NT5C3A: variants seen among roughly 807,000 people sequenced by gnomAD.
The protein encoded by NT5C3A is cytosolic 5'-nucleotidase 3A.
NT5C3A carries 23 observed loss-of-function variants against 40.0 expected under a neutral mutation model. That is an observed-to-expected ratio of 0.58 (90% CI 0.41 to 0.81). The LOEUF is 0.81. Among genes scored for constraint, NT5C3A ranks in the 40% least tolerant of loss-of-function variants. NT5C3A has a pLI of 0.00. For missense variants in NT5C3A, 328 were observed against 403.0 expected (o/e 0.81, Z 1.59); for synonymous variants, 130 against 141.4 (o/e 0.92, Z 0.57).
intron 7 of NT5C3A, chr7:33,017,237 T>G: frequency 1.8e-6 from 1 of 563,808 alleles, no homozygotes; most frequent in Non-Finnish European, 3.1e-6. Context: ...AGTCTATAGC[T>G]TGGGGAATGA....
chr7:33,062,494 A>C, intron 1 of NT5C3A, 74 bp downstream of exon 1: 1 of 1,377,258 alleles, frequency 7.3e-7, no homozygotes. Context: ...GCGGCCCAGC[A>C]CAGGCTGCCG....
Position 33,060,177 on chromosome 7 carries a change from T to G in NT5C3A, c.138+2391A>C, listed in dbSNP as rs956506342. On this transcript the variant is annotated intron_variant, in intron 1 of 8. Coordinates refer to ENST00000610140, the MANE Select transcript of NT5C3A (RefSeq NM_001002010.5). ...TATGCCGCCCAGGCTGGTCTCGAACTCCTGGGCTCAAGGGATCCTCCCGCC... is the reference window on the plus strand; with the variant it reads ...TATGCCGCCCAGGCTGGTCTCGAACGCCTGGGCTCAAGGGATCCTCCCGCC... Among the ~76,000 whole-genome samples, 3 of 152,288 alleles carry G rather than the reference T, an allele frequency of 2.0e-5. No homozygotes were observed. The South Asian group carries it at 6.2e-4, about 32-fold the overall frequency.
At chr7:33,058,179 G>C (rs1464860489) in intron 1 of NT5C3A, among the ~76,000 whole-genome samples, 1 of 152,122 alleles carries the variant, frequency 6.6e-6, no homozygotes, top group Non-Finnish European at 1.5e-5. Context: ...ACATTTGAAA[G>C]AGGTGTCATT....
chr7:33,041,954 A>C (rs989806075), intron 1 of NT5C3A, among the ~76,000 whole-genome samples: 1 of 152,186 alleles, frequency 6.6e-6, no homozygotes, highest in Non-Finnish European at 1.5e-5. Flanking sequence ...CTAGTCTAGT[A>C]ATATTTCAGT....
chr7:33,055,248 C>G (rs1386432884), intron 1 of NT5C3A, among the ~76,000 whole-genome samples: 1 of 151,888 alleles, frequency 6.6e-6, no homozygotes, highest in African/African-American at 2.4e-5. Flanking sequence ...TTGCTTGAAC[C>G]TGGGAGGCAG....
intron 1 of NT5C3A, among the ~76,000 whole-genome samples, chr7:33,034,005 C>T (rs1245118263): frequency 6.6e-6 from 1 of 151,284 alleles, no homozygotes; most frequent in Non-Finnish European, 1.5e-5. Context: ...ATTCTCCTGC[C>T]TCAGCCTCCC....
chr7:33,021,321 C>T lies in NT5C3A; in HGVS notation c.391G>A (p.Val131Ile). The T allele has an allele frequency of 6.2e-7, 1 of 1,612,118 alleles. No individual in the cohort carries two copies. The change falls in exon 5 of 9, where the codon GTT becomes ATT. Residue 131 changes from valine (V) to isoleucine (I), a missense_variant. Val to Ile is a conservative substitution (Grantham distance 29, BLOSUM62 3). Transcript: ENST00000610140. ...TCTTCTACAGTAAGAACAGGATCAA[C>T]TTCAATAGCGTAATATTTTTCCTTT... ...QLKEKYYAIE[V>I]DPVLTVEEKY...
At chr7:33,029,403 T>C (rs117046397) in intron 1 of NT5C3A, 1 of 337,694 alleles carries the variant, frequency 3.0e-6, no homozygotes, top group East Asian at 7.7e-5. Context: ...TGTTTTGGAA[T>C]ATCACTTCTG....
chr7:33,023,479 G>C (rs887980076), intron 3 of NT5C3A, among the ~76,000 whole-genome samples: 1 of 152,010 alleles, frequency 6.6e-6, no homozygotes, highest in African/African-American at 2.4e-5. Flanking sequence ...GGCTGGTCTT[G>C]AACTCCTGAC....
intron 1 of NT5C3A, among the ~76,000 whole-genome samples, chr7:33,057,576 G>A (rs1787618473): frequency 6.6e-6 from 1 of 152,002 alleles, no homozygotes; most frequent in South Asian, 2.1e-4. Flanking sequence ...AACACAGTAT[G>A]CTAAAGTTTT....
rs542600608 is a variant in NT5C3A at position 33,062,770 on chromosome 7, C to T, written c.-65G>A. On this transcript the variant is annotated 5_prime_UTR_variant, in exon 1 of 9. Transcript: ENST00000610140. ...GGCAGCTCGCGTAGACTGCGAGTCTCGGAAGCGCGGGATCCCAGAGCATCA... is the reference window on the plus strand; with the variant it reads ...GGCAGCTCGCGTAGACTGCGAGTCTTGGAAGCGCGGGATCCCAGAGCATCA... 101 of 1,547,128 alleles carry T rather than the reference C, an allele frequency of 6.5e-5. No homozygotes were observed. In the African/African-American group the frequency reaches 1.2e-3, roughly 18 times the overall value.
At chr7:33,047,086 T>C (rs938858288) in intron 1 of NT5C3A, among the ~76,000 whole-genome samples, 6 of 152,004 alleles carry the variant, frequency 3.9e-5, no homozygotes, top group South Asian at 2.1e-4. Flanking sequence ...TATTTTATTA[T>C]AGCTGAATCT....
chr7:33,039,119 T>G (rs1442076149), intron 1 of NT5C3A, among the ~76,000 whole-genome samples: 1 of 152,170 alleles, frequency 6.6e-6, no homozygotes, highest in Non-Finnish European at 1.5e-5. Flanking sequence ...AGAACTTCAC[T>G]TAACACAAAC....
chr7:33,018,216 A>G (rs955169389), intron 6 of NT5C3A, among the ~76,000 whole-genome samples: 20 of 152,250 alleles, frequency 1.3e-4, no homozygotes, highest in African/African-American at 4.8e-4. Context: ...TAAAATTATG[A>G]AGAATGACTT....
At chr7:33,054,344 AC>A (rs1787486127) in intron 1 of NT5C3A, among the ~76,000 whole-genome samples, 2 of 124,012 alleles carry the variant, frequency 1.6e-5, no homozygotes, top group Admixed American at 1.8e-4. Flanking sequence ...GCAGAGTAAG[AC>A]CCTGCCTCAA....
At chr7:33,043,033 A>G (rs909437193) in intron 1 of NT5C3A, among the ~76,000 whole-genome samples, 1 of 152,196 alleles carries the variant, frequency 6.6e-6, no homozygotes, top group Non-Finnish European at 1.5e-5. Context: ...CTTGTCTCAT[A>G]TAATACTTAT....
intron 1 of NT5C3A, among the ~76,000 whole-genome samples, chr7:33,035,725 G>A (rs977708122): frequency 1.3e-5 from 2 of 152,202 alleles, no homozygotes; most frequent in African/African-American, 4.8e-5. Context: ...ATTCTGAGAA[G>A]CACGACAATG....
At chr7:33,046,896 C>T (rs1005936049) in intron 1 of NT5C3A, among the ~76,000 whole-genome samples, 3 of 151,148 alleles carry the variant, frequency 2.0e-5, no homozygotes, top group African/African-American at 7.3e-5. Context: ...CTCTGCTTCC[C>T]GGGTTCAAAC....
chr7:33,019,270 A>G (rs529679445), intron 6 of NT5C3A, among the ~76,000 whole-genome samples: 5 of 150,600 alleles, frequency 3.3e-5, no homozygotes, highest in African/African-American at 1.2e-4. Context: ...AAAAAAAAAA[A>G]GTATACTTAA....
Sources: allele counts gnomAD v4.1 joint callset (sites outside exome capture counted in the v4.1 genomes callset), GRCh38; gene constraint gnomAD v4.1.1; transcripts MANE v1.5; gene names NCBI Gene and HGNC (gene_info 2026-07-23, HGNC 2026-07-21).